Variants in GART observed in about 807,000 individuals in gnomAD.
GART encodes the protein phosphoribosylglycinamide formyltransferase, phosphoribosylglycinamide synthetase, phosphoribosylaminoimidazole synthetase, also known as trifunctional purine biosynthetic protein adenosine-3.
A neutral mutation model predicts 107.2 loss-of-function variants in GART; 43 were observed. That is an observed-to-expected ratio of 0.40 (90% confidence interval 0.31 to 0.52). GART has a LOEUF of 0.52. Among genes scored for constraint, GART ranks in the 20% least tolerant of loss-of-function variants. GART has a pLI of 0.52. For synonymous variants in GART, 434 were observed against 427.0 expected, an observed-to-expected ratio of 1.02 and a Z score of -0.20; for missense variants, 1,107 against 1,206.5, an observed-to-expected ratio of 0.92 and a Z score of 1.22.
At chr21:33,532,996 A>G (rs1047921066) in intron 4 of GART, among the ~76,000 whole-genome samples, 4 of 152,224 alleles carry the variant, frequency 2.6e-5, no homozygotes, top group Non-Finnish European at 5.9e-5. Context: ...ATGAAAAAAA[A>G]ATGAAACTGA....
upstream of GART, chr21:33,542,167 C>G (rs542075228): frequency 5.2e-5 from 8 of 152,406 alleles, no homozygotes; most frequent in Admixed American, 4.6e-4. Context: ...CTGCCCCGCC[C>G]TACGACGGCT....
rs183365643 is a variant in GART, at chr21:33,515,509, G to A, written c.2107+1480C>T. Among the ~76,000 whole-genome samples the A allele has an allele frequency of 4.5e-4, 69 of 151,660 alleles. 1 individual carries two copies. In the East Asian group the frequency reaches 0.011, roughly 23 times the overall value. On this transcript the variant is annotated intron_variant, in intron 16 of 21. Transcript: ENST00000381815. ...ACAAAAATTAGCCGGGCATGGTGGCGGGCACCTGTAGTCCCAGCTACTTGG... is the reference window on the plus strand; with the variant it reads ...ACAAAAATTAGCCGGGCATGGTGGCAGGCACCTGTAGTCCCAGCTACTTGG...
chr21:33,535,145 T>C, intron 3 of GART, 80 bp downstream of exon 3: 1 of 849,254 alleles, frequency 1.2e-6, no homozygotes, highest in Non-Finnish European at 1.7e-6. Context: ...TTCTCATCTG[T>C]AAAATGAATT....
At position 33,511,473 on chromosome 21, in the gene GART, C is replaced by A; in HGVS notation, c.2108-15G>T. The A allele has an allele frequency of 6.2e-7, 1 of 1,612,944 alleles. No individual in the cohort carries two copies. Among genetic ancestry groups the A allele is most frequent in the Non-Finnish European group, 8.5e-7 (1 of 1,179,034 alleles). ...GGTCTGGGCATCTGAAAAAAATAGA[C>A]ACGAATTGTTTGATTTTCCTACCTT... On this transcript the variant is annotated splice_polypyrimidine_tract_variant and intron_variant, in intron 16 of 21. Coordinates refer to ENST00000381815, the MANE Select transcript of GART (RefSeq NM_000819.5).
rs2085120443 is a variant in GART at position 33,528,618 on chromosome 21, G to GGA, written c.812-15_812-14insTC. 1.9e-6 allele frequency: 2 copies of GGA among 1,052,280 alleles called. No individual in the cohort carries two copies. Among genetic ancestry groups the GGA allele is most frequent in the Non-Finnish European group, 2.7e-6 (2 of 752,278 alleles). 65.2% of individuals were successfully genotyped at this position (1,052,280 alleles called of 1,614,324 possible). A position where few individuals can be genotyped will look rare whatever the true frequency, so the allele number is the denominator to read the frequency against. ...CATAGAGAATACCTTCATTAAAAAAGAAAAAAAAAAAAAAGAGAGAAAGAA... is the reference window on the plus strand; with the variant it reads ...CATAGAGAATACCTTCATTAAAAAAGGAAAAAAAAAAAAAAAGAGAGAAAGAA... On this transcript the variant is annotated splice_polypyrimidine_tract_variant and intron_variant, in intron 8 of 21. Transcript: ENST00000381815.
intron 17 of GART, 105 bp from the exon 18 acceptor site, chr21:33,510,025 G>A (rs1243101935): frequency 3.9e-6 from 4 of 1,029,122 alleles, no homozygotes; most frequent in South Asian, 3.3e-5. Flanking sequence ...GTTTTATCCT[G>A]AAAATAAGAT....
rs200747884 is a variant in GART, at chr21:33,532,468, G to A, written c.417-12C>T. 6.3e-7 allele frequency: 1 copy of A among 1,589,926 alleles called. No homozygotes were observed. Among genetic ancestry groups the A allele is most frequent in the East Asian group, 2.2e-5 (1 of 44,722 alleles). On this transcript the variant is annotated splice_polypyrimidine_tract_variant and intron_variant, in intron 4 of 21. Transcript: ENST00000381815. ...CAGGGAAGTCTGCACTGTAAAGACA[G>A]AGTAATCGTCAACATCCAATAAACC...
chr21:33,507,602 T>C (rs559218715), intron 18 of GART, among the ~76,000 whole-genome samples: 6 of 152,214 alleles, frequency 3.9e-5, no homozygotes, highest in African/African-American at 1.2e-4. Flanking sequence ...AGGCGGATCA[T>C]ACTGAGGTCA....
At chr21:33,526,464 G>A (rs1441795668) in intron 10 of GART, among the ~76,000 whole-genome samples, 1 of 152,076 alleles carries the variant, frequency 6.6e-6, no homozygotes, top group African/African-American at 2.4e-5. Flanking sequence ...GTGAGCCACC[G>A]TGCCTGGCCT....
chr21:33,504,021 T>G lies in GART; in HGVS notation c.*103A>C. On this transcript the variant is annotated 3_prime_UTR_variant, in exon 22 of 22. Transcript: ENST00000381815. ...TGAAGTAAGGGTGAGGTCTTTTTTG[T>G]CTTTTAGCAGTTTTTCTTTTGGGCC... 1 of 1,068,288 alleles carries G rather than the reference T, an allele frequency of 9.4e-7. No homozygotes were observed. The highest frequency in any genetic ancestry group is 1.3e-6 in the Non-Finnish European group (1 of 754,060). The allele number at this position is 1,068,288 out of a possible 1,614,324, so 66.2% of individuals were successfully genotyped here.
chr21:33,533,400 G>A (rs1218438944), intron 4 of GART, among the ~76,000 whole-genome samples: 1 of 147,478 alleles, frequency 6.8e-6, no homozygotes, highest in Non-Finnish European at 1.5e-5. Context: ...GATAGAGATA[G>A]CGCCACTGCA....
At position 33,528,196 on chromosome 21, in the gene GART, C is replaced by T; in HGVS notation, c.1037G>A (p.Gly346Glu). 2 of 1,613,464 alleles carry T rather than the reference C, an allele frequency of 1.2e-6. No individual in the cohort carries two copies. The highest frequency in any genetic ancestry group is 8.5e-7 in the Non-Finnish European group (1 of 1,179,770). Residue 346 changes from glycine to glutamate, a missense_variant, in exon 10 of 22, where the codon GGA (glycine) becomes GAA (glutamate). Physicochemically the swap from Gly to Glu is moderately conservative, Grantham distance 98. Transcript: ENST00000381815. ...TATCTCTACACCCTTGGTGTAGTCT[C>T]CAGGATAACCTTTACTTGCCATGAC... The part of the protein sequence containing the change: ...TVVMASKGYP[G>E]DYTKGVEITG...
At position 33,528,928 on chromosome 21, in the gene GART, C is replaced by G; in HGVS notation, c.733G>C (p.Asp245His). ...GTATCTTTAATTTTTAGTAATAGAT[C>G]ATTAGAAACCTGGAGAACGTGCAGA... ...AYCPAPQVSN[D>H]LLLKIKDTVL... is the part of the protein sequence containing the mutation. The change falls in exon 8 of 22, where the codon GAT becomes CAT. Residue 245 changes from aspartate to histidine, a missense_variant. Asp to His is a moderately conservative substitution (Grantham distance 81). Coordinates refer to ENST00000381815, the MANE Select transcript of GART (RefSeq NM_000819.5). 1.2e-6 allele frequency: 2 copies of G among 1,609,166 alleles called. No homozygotes were observed. Among genetic ancestry groups the G allele is most frequent in the Non-Finnish European group, 1.7e-6 (2 of 1,175,728 alleles).
At chr21:33,535,187 C>CAGAAGTATAT (rs1359611995) in intron 3 of GART, 38 bp downstream of exon 3, 12 of 1,283,960 alleles carry the variant, frequency 9.3e-6, no homozygotes, top group Non-Finnish European at 1.2e-5. Context: ...TCTGTTTGCA[C>CAGAAGTATAT]TGAATATACT....
At chr21:33,532,773 ATAGTACTCTCATTCAGG>A (rs1198219445) in intron 4 of GART, among the ~76,000 whole-genome samples, 1 of 152,220 alleles carries the variant, frequency 6.6e-6, no homozygotes, top group Non-Finnish European at 1.5e-5. Flanking sequence ...AAAGTAGCAA[ATAGTACTCTCATTCAGG>A]TAGAAAATGC....
At chr21:33,539,433 C>A in intron 1 of GART, 77 bp from the exon 2 acceptor site, 1 of 1,111,534 alleles carries the variant, frequency 9.0e-7, no homozygotes, top group East Asian at 2.7e-5. Flanking sequence ...TGGCTCATGC[C>A]TGTACCCCCA....
At chr21:33,531,181 T>TA in intron 6 of GART, 1 of 395,638 alleles carries the variant, frequency 2.5e-6, no homozygotes, top group East Asian at 4.3e-5. Flanking sequence ...AAAACTTGGT[T>TA]TAAGGTGACT....
chr21:33,510,741 G>T (rs2084770973), intron 17 of GART, among the ~76,000 whole-genome samples: 1 of 152,162 alleles, frequency 6.6e-6, no homozygotes, highest in Non-Finnish European at 1.5e-5. Flanking sequence ...GCAGATACAG[G>T]TAAAGTCAAC....
chr21:33,542,592 A>C (rs2085471572), upstream of GART: 3 of 158,088 alleles, frequency 1.9e-5, no homozygotes, highest in South Asian at 4.6e-4. Flanking sequence ...CTCACATGCC[A>C]GTGGGGGCGG....
Sources: allele counts gnomAD v4.1 joint callset (sites outside exome capture counted in the v4.1 genomes callset), GRCh38; gene constraint gnomAD v4.1.1; transcripts MANE v1.5; gene names NCBI Gene and HGNC (gene_info 2026-07-23, HGNC 2026-07-21).